Variants in RABGEF1 observed in about 807,000 individuals in gnomAD.
RABGEF1 encodes the protein rab5 GDP/GTP exchange factor.
Under a neutral mutation model 57.3 loss-of-function variants are expected in RABGEF1, and 26 were observed. That is an observed-to-expected ratio of 0.45 (90% CI 0.33 to 0.63). RABGEF1 has a LOEUF of 0.63. Ranked by LOEUF, RABGEF1 falls within the 20% of genes least tolerant of loss-of-function variation. RABGEF1 has a pLI of 0.02. For synonymous variants in RABGEF1, 185 were observed against 210.7 expected, an observed-to-expected ratio of 0.88 and a Z score of 1.06; for missense variants, 464 against 607.6, an observed-to-expected ratio of 0.76 and a Z score of 2.48.
rs1308647091 is a variant in RABGEF1 at position 66,805,098 on chromosome 7, G to T, written c.821-42G>T. ...GATTTTCCTATTGCTTCTTTTTTGT[G>T]ATTCTTTTCTCCTGGGAAATATTGT... is the stretch of plus-strand genomic sequence containing the variant. On this transcript the variant is annotated intron_variant, in intron 7 of 8. Transcript: ENST00000284957. The T allele has an allele frequency of 7.2e-6, 11 of 1,533,960 alleles. No individual in the cohort carries two copies. In the Admixed American group the frequency reaches 1.1e-4, roughly 15 times the overall value.
upstream of RABGEF1, among the ~76,000 whole-genome samples, chr7:66,737,101 A>AGC (rs1430299809): frequency 2.6e-5 from 4 of 151,506 alleles, no homozygotes; most frequent in Non-Finnish European, 4.4e-5. Context: ...AGCGAGAGAG[A>AGC]GAGAGAGAGA....
chr7:66,769,504 C>G (rs950495604), intron 1 of RABGEF1, among the ~76,000 whole-genome samples: 1 of 152,202 alleles, frequency 6.6e-6, no homozygotes, highest in African/African-American at 2.4e-5. Flanking sequence ...TGTGCATACA[C>G]AGAGGAGACA....
chr7:66,676,086 C>T, the RABGEF1 span, among the ~76,000 whole-genome samples: 2 of 152,074 alleles, frequency 1.3e-5, no homozygotes, highest in African/African-American at 2.4e-5. Context: ...TTTGGGAGGC[C>T]GTGGCAGACA....
intron 1 of RABGEF1, among the ~76,000 whole-genome samples, chr7:66,701,996 T>C (rs763855690): frequency 6.6e-6 from 1 of 152,130 alleles, no homozygotes; most frequent in Non-Finnish European, 1.5e-5. Context: ...TGTGCAAATA[T>C]CATCACTACC....
chr7:66,755,672 G>T (rs1463075200), intron 1 of RABGEF1, among the ~76,000 whole-genome samples: 3 of 152,174 alleles, frequency 2.0e-5, no homozygotes, highest in African/African-American at 7.2e-5. Flanking sequence ...GGCTACGGTA[G>T]CCAGATTATC....
chr7:66,700,572 G>A (rs1161766308), intron 1 of RABGEF1, among the ~76,000 whole-genome samples: 1 of 151,998 alleles, frequency 6.6e-6, no homozygotes, highest in Non-Finnish European at 1.5e-5. Context: ...GGACAGTGAG[G>A]AGGAGTAAAG....
chr7:66,724,361 A>AT (rs1463003206), intron 2 of RABGEF1, among the ~76,000 whole-genome samples: 4 of 147,716 alleles, frequency 2.7e-5, no homozygotes, highest in African/African-American at 4.9e-5. Flanking sequence ...GTATTTATTT[A>AT]TTTTATTTTT....
the RABGEF1 span, among the ~76,000 whole-genome samples, chr7:66,672,005 G>A: frequency 4.0e-5 from 6 of 151,718 alleles, no homozygotes; most frequent in Non-Finnish European, 8.8e-5. Context: ...TTGTAGGAAT[G>A]AGGTTTCAGT....
chr7:66,685,046 T>G (rs1480575093), intron 1 of RABGEF1, among the ~76,000 whole-genome samples: 1 of 151,956 alleles, frequency 6.6e-6, no homozygotes, highest in African/African-American at 2.4e-5. Context: ...ATTACAAACA[T>G]GAGCCACTGC....
At chr7:66,743,348 T>G (rs1234250897) in intron 1 of RABGEF1, among the ~76,000 whole-genome samples, 2 of 147,036 alleles carry the variant, frequency 1.4e-5, no homozygotes, top group African/African-American at 2.5e-5. Context: ...AAAAAGGCTC[T>G]CTCTCTCTCC....
intron 2 of RABGEF1, among the ~76,000 whole-genome samples, chr7:66,726,960 C>T (rs531565128): frequency 3.1e-4 from 47 of 152,152 alleles, no homozygotes; most frequent in Admixed American, 2.9e-3. Flanking sequence ...GCCGAGATTG[C>T]GCCATTGCAC....
chr7:66,736,136 C>G (rs895502878), upstream of RABGEF1, among the ~76,000 whole-genome samples: 5 of 152,140 alleles, frequency 3.3e-5, no homozygotes, highest in African/African-American at 1.2e-4. Context: ...CAGTGGGCAT[C>G]CTGACATTCA....
At chr7:66,739,228 G>A (rs1798432531), upstream of RABGEF1, among the ~76,000 whole-genome samples, 1 of 151,936 alleles carries the variant, frequency 6.6e-6, no homozygotes, top group African/African-American at 2.4e-5. Flanking sequence ...AGGATTACAG[G>A]CGTGAGCCAC....
intron 1 of RABGEF1, among the ~76,000 whole-genome samples, chr7:66,701,752 C>G (rs1793307208): frequency 6.6e-6 from 1 of 152,050 alleles, no homozygotes; most frequent in Admixed American, 6.6e-5. Flanking sequence ...CAGGGATCCA[C>G]CCACCTCAGC....
intron 1 of RABGEF1, among the ~76,000 whole-genome samples, chr7:66,706,064 G>A (rs962999346): frequency 3.7e-4 from 56 of 150,490 alleles, no homozygotes; most frequent in African/African-American, 1.0e-3. Context: ...CACCGCGCCC[G>A]GCTAATTTTT....
intron 1 of RABGEF1, among the ~76,000 whole-genome samples, chr7:66,683,893 G>C (rs1376242035): frequency 2.0e-5 from 3 of 151,976 alleles, no homozygotes; most frequent in African/African-American, 7.3e-5. Context: ...AATGGGTGCC[G>C]CCACACCCAG....
intron 1 of RABGEF1, among the ~76,000 whole-genome samples, chr7:66,763,973 GT>G (rs1805085622): frequency 6.6e-6 from 1 of 152,156 alleles, no homozygotes; most frequent in Non-Finnish European, 1.5e-5. Flanking sequence ...GTGGACACAT[GT>G]TTTTATTTCT....
At chr7:66,730,557 C>CT (rs888301191) in intron 2 of RABGEF1, among the ~76,000 whole-genome samples, 3,390 of 130,840 alleles carry the variant, frequency 0.026, 58 homozygotes, top group Non-Finnish European at 0.035. Flanking sequence ...GTTTCTTTTT[C>CT]TTTTTTTTTT....
At chr7:66,699,241 G>A (rs1307503331) in intron 1 of RABGEF1, among the ~76,000 whole-genome samples, 3 of 152,182 alleles carry the variant, frequency 2.0e-5, no homozygotes, top group Non-Finnish European at 2.9e-5. Context: ...GGAGGAATGG[G>A]GGGCACGGGG....
Sources: allele counts gnomAD v4.1 joint callset (sites outside exome capture counted in the v4.1 genomes callset), GRCh38; gene constraint gnomAD v4.1.1; transcripts MANE v1.5; gene names NCBI Gene and HGNC (gene_info 2026-07-23, HGNC 2026-07-21).